SCN8A: variants seen among roughly 807,000 people sequenced by gnomAD.
SCN8A encodes the protein sodium channel protein type 8 subunit alpha.
In SCN8A, 30 loss-of-function variants were observed where a neutral mutation model predicts 184.1. That is an observed-to-expected ratio of 0.16 (90% CI 0.12 to 0.22). The LOEUF is 0.22. SCN8A is among the 10% of genes least tolerant of loss of function. The pLI is 1.00. For synonymous variants in SCN8A, 852 were observed against 907.0 expected, an observed-to-expected ratio of 0.94 and a Z score of 1.09; for missense variants, 1,057 against 2,498.9, an observed-to-expected ratio of 0.42 and a Z score of 12.30.
chr12:51,660,246 C>T (rs35141951), intron 1 of SCN8A, among the ~76,000 whole-genome samples: 4 of 152,064 alleles, frequency 2.6e-5, no homozygotes, highest in African/African-American at 4.8e-5. Flanking sequence ...CAGGGGTAAT[C>T]GAGAGGACAC....
intron 12 of SCN8A, among the ~76,000 whole-genome samples, chr12:51,745,513 C>T (rs1278929092): frequency 1.3e-5 from 2 of 152,174 alleles, no homozygotes; most frequent in South Asian, 2.1e-4. Flanking sequence ...TGACTTACTT[C>T]GTCATGTGGA....
chr12:51,640,831 A>C (rs555200428), intron 1 of SCN8A, among the ~76,000 whole-genome samples: 1 of 152,354 alleles, frequency 6.6e-6, no homozygotes, highest in Admixed American at 6.5e-5. Context: ...AGGATTAGTG[A>C]AATCATTTGT....
chr12:51,712,099 T>A (rs1169961672), intron 11 of SCN8A, among the ~76,000 whole-genome samples: 2 of 152,218 alleles, frequency 1.3e-5, no homozygotes, highest in East Asian at 3.8e-4. Context: ...AATTCCTTAA[T>A]TTTTAATTCC....
Position 51,780,729 on chromosome 12 carries a change from T to C in SCN8A, c.3900T>C (p.Ala1300=). ...TAAAGTCCCTTAGGACCCTAAGAGC[T>C]TTGAGACCCTTAAGAGCCTTATCAC... ...GAIKSLRTLR[A]LRPLRALSRF... is the part of the protein sequence containing the mutation. The change falls in exon 21 of 27, where the codon GCT becomes GCC. Residue 1300 remains alanine (A), a synonymous_variant. Transcript: ENST00000627620. 1 of 1,601,702 alleles carries C rather than the reference T, an allele frequency of 6.2e-7. No homozygotes were observed. The highest frequency in any genetic ancestry group is 8.5e-7 in the Non-Finnish European group (1 of 1,175,928).
At chr12:51,781,027 G>T (rs975113126) in intron 21 of SCN8A, among the ~76,000 whole-genome samples, 3 of 152,140 alleles carry the variant, frequency 2.0e-5, no homozygotes, top group Admixed American at 2.0e-4. Context: ...TTCTCATTTG[G>T]CCTGGCTTAC....
At chr12:51,713,664 C>T in intron 11 of SCN8A, 1 of 550,166 alleles carries the variant, frequency 1.8e-6, no homozygotes. Flanking sequence ...ACCTATTTCT[C>T]TATATTTTTA....
At chr12:51,697,097 G>A (rs78133713) in intron 6 of SCN8A, among the ~76,000 whole-genome samples, 10,356 of 151,804 alleles carry the variant, frequency 0.068, 464 homozygotes, top group South Asian at 0.14. Context: ...TTGAGCCAGG[G>A]CCAGAATACC....
intron 20 of SCN8A, among the ~76,000 whole-genome samples, chr12:51,775,599 CTGTGGTGGAAGG>C (rs1937666834): frequency 6.6e-6 from 1 of 152,228 alleles, no homozygotes; most frequent in Admixed American, 6.5e-5. Context: ...TGATACCATC[CTGTGGTGGAAGG>C]ACCTGTACCC....
At chr12:51,681,442 A>G (rs1360048261) in intron 2 of SCN8A, among the ~76,000 whole-genome samples, 2 of 152,114 alleles carry the variant, frequency 1.3e-5, no homozygotes, top group Non-Finnish European at 2.9e-5. Flanking sequence ...TTAAAAGGCT[A>G]TTTTCATAGA....
chr12:51,791,038 G>A (rs1036315961), intron 25 of SCN8A, among the ~76,000 whole-genome samples: 18 of 152,188 alleles, frequency 1.2e-4, no homozygotes, highest in Non-Finnish European at 2.4e-4. Flanking sequence ...AGGGGGCTGA[G>A]ATTCTGCTCC....
chr12:51,644,645 C>T (rs1244088635), intron 1 of SCN8A, among the ~76,000 whole-genome samples: 1 of 152,310 alleles, frequency 6.6e-6, no homozygotes, highest in East Asian at 1.9e-4. Context: ...GCAGCCTCTG[C>T]CCGGCCGCCA....
At chr12:51,734,881 AT>A (rs1462155799) in intron 12 of SCN8A, among the ~76,000 whole-genome samples, 2 of 152,242 alleles carry the variant, frequency 1.3e-5, no homozygotes, top group African/African-American at 4.8e-5. Context: ...GTTTTTATCC[AT>A]TTTAATGGAT....
At chr12:51,793,541 G>T (rs1477048192) in intron 25 of SCN8A, among the ~76,000 whole-genome samples, 1 of 152,212 alleles carries the variant, frequency 6.6e-6, no homozygotes, top group Non-Finnish European at 1.5e-5. Flanking sequence ...TAAGCAGCAG[G>T]AATAGATGAG....
At chr12:51,648,383 G>A (rs970780648) in intron 1 of SCN8A, among the ~76,000 whole-genome samples, 1 of 152,168 alleles carries the variant, frequency 6.6e-6, no homozygotes, top group Non-Finnish European at 1.5e-5. Context: ...GTGTCTCTAT[G>A]TAGTCTCCTA....
intron 1 of SCN8A, among the ~76,000 whole-genome samples, chr12:51,593,148 C>T (rs566892395): frequency 1.3e-5 from 2 of 152,220 alleles, no homozygotes; most frequent in East Asian, 3.9e-4. Flanking sequence ...CTTCATTTCT[C>T]CCTGAAAGAG....
At chr12:51,664,198 A>G (rs1401112888) in intron 2 of SCN8A, among the ~76,000 whole-genome samples, 3 of 150,802 alleles carry the variant, frequency 2.0e-5, no homozygotes, top group East Asian at 3.9e-4. Context: ...ATAATTTACC[A>G]TGTTTATTAT....
chr12:51,656,075 G>A (rs1162843764), intron 1 of SCN8A, among the ~76,000 whole-genome samples: 1 of 152,174 alleles, frequency 6.6e-6, no homozygotes, highest in Non-Finnish European at 1.5e-5. Context: ...TTGTTACTGT[G>A]CAAGATGACT....
intron 26 of SCN8A, among the ~76,000 whole-genome samples, chr12:51,797,836 ACTTCAGGT>A (rs1279494586): frequency 6.6e-6 from 1 of 152,176 alleles, no homozygotes; most frequent in Non-Finnish European, 1.5e-5. Context: ...GGCCATCTTA[ACTTCAGGT>A]TTAATGGAAT....
At chr12:51,770,484 G>A (rs182603419) in intron 18 of SCN8A, 45 bp from the exon 19 acceptor site, 53 of 1,517,606 alleles carry the variant, frequency 3.5e-5, no homozygotes, top group Middle Eastern at 1.9e-4. Flanking sequence ...AGGTCTGGGC[G>A]GGGCACGTTT....
Sources: gnomAD v4.1 joint callset for allele counts (sites outside exome capture counted in the v4.1 genomes callset) on GRCh38, gnomAD v4.1.1 for gene constraint, MANE v1.5 for transcripts, NCBI Gene and HGNC (gene_info 2026-07-23, HGNC 2026-07-21) for gene names.